The following PLVAP variants were observed in gnomAD, a reference collection of about 807,000 sequenced individuals.
PLVAP encodes plasmalemma vesicle-associated protein.
A neutral mutation model predicts 43.1 loss-of-function variants in PLVAP; 34 were observed. That is an observed-to-expected ratio of 0.79 (90% CI 0.60 to 1.05). The LOEUF is 1.05. Ranked by LOEUF, PLVAP falls within the 50% of genes least tolerant of loss-of-function variation. The pLI is 0.00. For missense variants in PLVAP, 574 were observed against 593.4 expected, an observed-to-expected ratio of 0.97 and a Z score of 0.34; for synonymous variants, 241 against 237.3, an observed-to-expected ratio of 1.02 and a Z score of -0.14.
At chr19:17,367,441 T>G (rs1355014335) in intron 1 of PLVAP, among the ~76,000 whole-genome samples, 1 of 151,714 alleles carries the variant, frequency 6.6e-6, no homozygotes, top group Admixed American at 6.6e-5. Context: ...CAGGCTGAAG[T>G]GCAATGGCGC....
intron 5 of PLVAP, 61 bp from the exon 6 acceptor site, chr19:17,352,429 G>A (rs377070740): frequency 5.1e-6 from 8 of 1,572,416 alleles, no homozygotes; most frequent in Non-Finnish European, 6.1e-6. Context: ...GGCAAACCTC[G>A]CCGGGCCCTG....
chr19:17,366,923 ACTGTGCCCGG>A (rs985129198), intron 1 of PLVAP, among the ~76,000 whole-genome samples: 3 of 144,608 alleles, frequency 2.1e-5, no homozygotes, highest in Non-Finnish European at 4.5e-5. Context: ...GGCTTGAGCC[ACTGTGCCCGG>A]CTCGAATTTT....
At chr19:17,373,993 C>A (rs929476282) in intron 1 of PLVAP, among the ~76,000 whole-genome samples, 1 of 152,020 alleles carries the variant, frequency 6.6e-6, no homozygotes, top group Non-Finnish European at 1.5e-5. Flanking sequence ...GAAACCCCAT[C>A]TCTACTAAAA....
rs112569932 is a variant in PLVAP at position 17,371,713 on chromosome 19, G to A, written c.369+5207C>T. 4.3e-3 allele frequency among the ~76,000 whole-genome samples: 655 copies of A among 152,140 alleles called. 8 individuals are homozygous for A. Among genetic ancestry groups the A allele is most frequent in the African/African-American group, 0.014 (595 of 41,510 alleles). On this transcript the variant is annotated intron_variant, in intron 1 of 5. Transcript: ENST00000252590. ...GCCCAGGCTGGTCTTAAACTGCTGA[G>A]CTCAAGCAATCCACCCACCTTGGCC...
chr19:17,371,347 G>A (rs1163725165), intron 1 of PLVAP, among the ~76,000 whole-genome samples: 1 of 151,506 alleles, frequency 6.6e-6, no homozygotes, highest in Non-Finnish European at 1.5e-5. Flanking sequence ...TTTTAGTAGA[G>A]ACGGGGTTGC....
At chr19:17,356,618 C>T (rs566648676) in intron 5 of PLVAP, among the ~76,000 whole-genome samples, 150 of 151,460 alleles carry the variant, frequency 9.9e-4, no homozygotes, top group African/African-American at 3.0e-3. Flanking sequence ...GGATTACAGG[C>T]GTGAGCCACT....
At position 17,352,215 on chromosome 19, in the gene PLVAP, G is replaced by T; in HGVS notation, c.*147C>A. 2 of 1,092,668 alleles carry T rather than the reference G, an allele frequency of 1.8e-6. No individual in the cohort carries two copies. Among genetic ancestry groups the T allele is most frequent in the South Asian group, 2.8e-5 (2 of 71,824 alleles). 67.7% of individuals were successfully genotyped at this position (1,092,668 alleles called of 1,614,324 possible). On this transcript the variant is annotated 3_prime_UTR_variant, in exon 6 of 6. Transcript: ENST00000252590. The stretch of plus-strand genomic sequence containing the variant: ...GGTGCGGGTGTGAGAGGGTACTAGG[G>T]GTTTGCATGCAGGGAGTTGTCTGAT...
chr19:17,352,143 C>T lies in PLVAP; in HGVS notation c.*219G>A, dbSNP rs569113070. The T allele has an allele frequency of 1.6e-5, 10 of 609,094 alleles. No individual in the cohort carries two copies. The East Asian group carries it at 2.0e-4, about 12-fold the overall frequency. 37.7% of individuals were successfully genotyped at this position (609,094 alleles called of 1,614,324 possible). A position where few individuals can be genotyped will look rare whatever the true frequency, so the allele number is the denominator to read the frequency against. On this transcript the variant is annotated 3_prime_UTR_variant, in exon 6 of 6. Transcript: ENST00000252590. ...GACGTCAGCGCCGTTGCTTGCGTGACGTCATCTCCGCGGCCGTGTGCTCTG... is the reference window on the plus strand; with the variant it reads ...GACGTCAGCGCCGTTGCTTGCGTGATGTCATCTCCGCGGCCGTGTGCTCTG...
chr19:17,366,676 G>A (rs2074551441), intron 1 of PLVAP, among the ~76,000 whole-genome samples: 1 of 149,076 alleles, frequency 6.7e-6, no homozygotes, highest in South Asian at 2.1e-4. Context: ...CTGTTGCCCA[G>A]GCTGGAGTGC....
At position 17,352,051 on chromosome 19, in the gene PLVAP, G is replaced by A; in HGVS notation, c.*311C>T. On this transcript the variant is annotated 3_prime_UTR_variant, in exon 6 of 6. Transcript: ENST00000252590. ...TGTGTGCGACGTGCTGCATCTGCAC[G>A]ACGCCATCGCTATATCTCTTCGTGA... The A allele has an allele frequency of 2.3e-6, 1 of 441,578 alleles. No homozygotes were observed. Among genetic ancestry groups the A allele is most frequent in the Non-Finnish European group, 4.1e-6 (1 of 241,124 alleles). The allele number at this position is 441,578 out of a possible 1,614,324, so 27.4% of individuals were successfully genotyped here.
chr19:17,372,793 A>G (rs991874268), intron 1 of PLVAP, among the ~76,000 whole-genome samples: 3 of 147,914 alleles, frequency 2.0e-5, no homozygotes, highest in Non-Finnish European at 3.0e-5. Flanking sequence ...GGCCAGGTGC[A>G]GTGGCTCACA....
At chr19:17,366,802 G>T (rs7248073) in intron 1 of PLVAP, among the ~76,000 whole-genome samples, 73,383 of 150,834 alleles carry the variant, frequency 0.49, 17,924 homozygotes, top group African/African-American at 0.57. Flanking sequence ...TGGCTAATTT[G>T]TTTTTTTGTT....
intron 2 of PLVAP, 41 bp from the exon 3 acceptor site, chr19:17,366,039 C>T: frequency 6.2e-7 from 1 of 1,611,396 alleles, no homozygotes. Context: ...AGATTGGGGG[C>T]TGCCGAGAGC....
At chr19:17,354,205 G>T (rs2145716705) in intron 5 of PLVAP, among the ~76,000 whole-genome samples, 1 of 151,676 alleles carries the variant, frequency 6.6e-6, no homozygotes, top group East Asian at 1.9e-4. Flanking sequence ...CATGAGAATT[G>T]CTTGAACCCA....
intron 1 of PLVAP, among the ~76,000 whole-genome samples, chr19:17,366,939 ATTTTTTTT>A (rs34408678): frequency 1.9e-5 from 2 of 107,844 alleles, no homozygotes; most frequent in South Asian, 3.0e-4. Context: ...CCCGGCTCGA[ATTTTTTTT>A]TTTTTTTTTT....
chr19:17,364,328 A>G (rs1380469587), intron 3 of PLVAP, among the ~76,000 whole-genome samples: 1 of 151,420 alleles, frequency 6.6e-6, no homozygotes, highest in Non-Finnish European at 1.5e-5. Context: ...CAGGCAATCC[A>G]CCTGCCTCCG....
intron 1 of PLVAP, among the ~76,000 whole-genome samples, chr19:17,370,641 G>A (rs2074568406): frequency 6.6e-6 from 1 of 152,130 alleles, no homozygotes; most frequent in African/African-American, 2.4e-5. Flanking sequence ...ATTGGGGGAG[G>A]GGAATGGGAA....
At chr19:17,359,876 A>C (rs557349920) in intron 5 of PLVAP, among the ~76,000 whole-genome samples, 1 of 152,194 alleles carries the variant, frequency 6.6e-6, no homozygotes, top group African/African-American at 2.4e-5. Context: ...TTTTCTAGAA[A>C]GTAAAGGTCA....
intron 1 of PLVAP, among the ~76,000 whole-genome samples, chr19:17,370,099 A>G (rs1251529465): frequency 6.6e-6 from 1 of 151,818 alleles, no homozygotes; most frequent in East Asian, 1.9e-4. Flanking sequence ...CTACACACCC[A>G]CGAGGGTGGC....
Sources: allele counts gnomAD v4.1 joint callset (sites outside exome capture counted in the v4.1 genomes callset), GRCh38; gene constraint gnomAD v4.1.1; transcripts MANE v1.5; gene names NCBI Gene and HGNC (gene_info 2026-07-23, HGNC 2026-07-21).